Variants in FRRS1L observed in about 807,000 individuals in gnomAD.
FRRS1L encodes the protein DOMON domain-containing protein FRRS1L.
Under a neutral mutation model 28.6 loss-of-function variants are expected in FRRS1L, and 22 were observed. The observed-to-expected ratio is 0.77, with a 90% CI of 0.55 to 1.10. FRRS1L has a LOEUF of 1.10. Among genes scored for constraint, FRRS1L ranks in the 50% least tolerant of loss-of-function variants. FRRS1L has a pLI of 0.00. For missense variants in FRRS1L, 380 were observed against 386.9 expected (o/e 0.98, Z 0.15); for synonymous variants, 158 against 151.4 (o/e 1.04, Z -0.32).
At chr9:109,152,798 C>T (rs1388493786) in intron 1 of FRRS1L, among the ~76,000 whole-genome samples, 3 of 58,104 alleles carry the variant, frequency 5.2e-5, no homozygotes, top group African/African-American at 2.5e-4. Context: ...AGAGAGACTC[C>T]ATCTCAAAAA....
At chr9:109,154,043 G>C (rs1427657312) in intron 1 of FRRS1L, among the ~76,000 whole-genome samples, 2 of 152,056 alleles carry the variant, frequency 1.3e-5, no homozygotes, top group African/African-American at 2.4e-5. Context: ...CAATAAGCAA[G>C]TTCTCAGCAA....
chr9:109,162,432 A>G (rs558991956), intron 1 of FRRS1L, among the ~76,000 whole-genome samples: 2 of 152,340 alleles, frequency 1.3e-5, no homozygotes, highest in South Asian at 4.1e-4. Context: ...CATTAAGTCC[A>G]TCAACAAATC....
intron 1 of FRRS1L, among the ~76,000 whole-genome samples, chr9:109,163,132 G>T (rs984646967): frequency 3.9e-5 from 6 of 152,138 alleles, no homozygotes; most frequent in Non-Finnish European, 8.8e-5. Flanking sequence ...ATCCAACTCA[G>T]TTTTGTTTGT....
Position 109,143,831 on chromosome 9 carries a change from G to C in FRRS1L, c.463-2242C>G, listed in dbSNP as rs1337338910. ...GCTAATAATGTACCATTTTTAAAAA[G>C]TTAAACGCTTTTAAAAAGGGGTTCC... On this transcript the variant is annotated intron_variant, in intron 3 of 4. Transcript: ENST00000561981. 2.0e-5 allele frequency among the ~76,000 whole-genome samples: 3 copies of C among 152,048 alleles called. No individual in the cohort carries two copies. In the East Asian group the frequency reaches 5.8e-4, roughly 29 times the overall value.
intron 1 of FRRS1L, among the ~76,000 whole-genome samples, chr9:109,159,076 G>A (rs991341468): frequency 6.6e-6 from 1 of 152,154 alleles, no homozygotes. Flanking sequence ...ATGATGTTGG[G>A]CATCTTTTCA....
intron 3 of FRRS1L, among the ~76,000 whole-genome samples, chr9:109,143,291 G>C (rs12377111): frequency 0.067 from 10,138 of 151,936 alleles, 429 homozygotes; most frequent in African/African-American, 0.1. Context: ...CTCCAAGCCT[G>C]GGCAATACAG....
intron 1 of FRRS1L, chr9:109,151,311 G>A (rs964279047): frequency 6.5e-6 from 1 of 152,742 alleles, no homozygotes; most frequent in African/African-American, 2.4e-5. Flanking sequence ...GGCCTGTTAG[G>A]AACTAAGCCG....
Position 109,132,571 on chromosome 9 carries a change from T to C in FRRS1L, c.*4884A>G, listed in dbSNP as rs1831070024. Reference sequence around the variant, plus strand: ...CTTTGATATTCTTACAACTAACCAGTAATAATATGTTACTGGCAGTATCCT... The same window carrying C: ...CTTTGATATTCTTACAACTAACCAGCAATAATATGTTACTGGCAGTATCCT... On this transcript the variant is annotated 3_prime_UTR_variant, in exon 5 of 5. Coordinates refer to ENST00000561981, the MANE Select transcript of FRRS1L (RefSeq NM_014334.4). 6.6e-6 allele frequency: 1 copy of C among 152,204 alleles called. No homozygotes were observed. The highest frequency in any genetic ancestry group is 1.5e-5 in the Non-Finnish European group (1 of 68,034). The allele number at this position is 152,204 out of a possible 1,614,324, so 9.4% of individuals were successfully genotyped here.
At chr9:109,143,416 T>C (rs1263755007) in intron 3 of FRRS1L, among the ~76,000 whole-genome samples, 1 of 152,012 alleles carries the variant, frequency 6.6e-6, no homozygotes, top group Admixed American at 6.6e-5. Context: ...AGGGGGTATA[T>C]GGGAAATCTG....
At chr9:109,159,392 C>A (rs537805245) in intron 1 of FRRS1L, among the ~76,000 whole-genome samples, 4 of 152,022 alleles carry the variant, frequency 2.6e-5, no homozygotes, top group Non-Finnish European at 5.9e-5. Flanking sequence ...GTGGGTGGGC[C>A]GGGCGTGGTG....
At position 109,167,234 on chromosome 9, in the gene FRRS1L, G is replaced by A. The variant is rs542485399; in HGVS notation, c.-96C>T. ...GAGCCTCCGCCGAGGCCACCAGCAC[G>A]CGCCCGCGCAGCCGCGGAGCCTCCC... On this transcript the variant is annotated 5_prime_UTR_variant, in exon 1 of 5. Coordinates refer to ENST00000561981, the MANE Select transcript of FRRS1L (RefSeq NM_014334.4). The A allele has an allele frequency of 1.5e-5, 20 of 1,375,152 alleles. No homozygotes were observed. Among genetic ancestry groups the A allele is most frequent in the Non-Finnish European group, 1.9e-5 (20 of 1,059,974 alleles). The allele number at this position is 1,375,152 out of a possible 1,614,324, so 85.2% of individuals were successfully genotyped here.
intron 1 of FRRS1L, among the ~76,000 whole-genome samples, chr9:109,162,771 T>A (rs1468065668): frequency 6.6e-6 from 1 of 152,182 alleles, no homozygotes; most frequent in African/African-American, 2.4e-5. Context: ...CCAAGGTAGA[T>A]GGGGGAAGGA....
At position 109,147,169 on chromosome 9, in the gene FRRS1L, T is replaced by C. The variant is rs1001609848; in HGVS notation, c.344A>G (p.Asn115Ser). 1 of 1,613,564 alleles carries C rather than the reference T, an allele frequency of 6.2e-7. No individual in the cohort carries two copies. The highest frequency in any genetic ancestry group is 8.5e-7 in the Non-Finnish European group (1 of 1,179,584). Reference protein sequence around the residue: ...GCFRYGKPGCNAETCDYFLSY... With the variant: ...GCFRYGKPGCSAETCDYFLSY... ...GAGGAAATAGTCACAGGTCTCTGCA[T>C]TACAGCCTGGTTTGCCATATCTAGA... Residue 115 changes from asparagine (N) to serine (S), a missense_variant, in exon 3 of 5, where the codon AAT becomes AGT. Asn to Ser is a conservative substitution (Grantham distance 46, BLOSUM62 1). Transcript: ENST00000561981.
rs375184532 is a variant in FRRS1L at position 109,164,269 on chromosome 9, A to C, written c.238+2632T>G. On this transcript the variant is annotated intron_variant, in intron 1 of 4. Transcript: ENST00000561981. ...AGGAAATGAAACTGTCAGAGAGAAG[A>C]GGGTAGGAGAAGAATGGAGAGTAAA... 2.0e-5 allele frequency among the ~76,000 whole-genome samples: 3 copies of C among 152,124 alleles called. No homozygotes were observed. In the South Asian group the frequency reaches 6.2e-4, roughly 31 times the overall value.
At chr9:109,153,690 TTGTGAAC>T (rs1244885230) in intron 1 of FRRS1L, among the ~76,000 whole-genome samples, 6 of 152,202 alleles carry the variant, frequency 3.9e-5, no homozygotes, top group Middle Eastern at 3.2e-3. Flanking sequence ...GACAATCTTA[TTGTGAAC>T]TGTGCCCTTT....
chr9:109,149,015 A>C (rs10979710), intron 2 of FRRS1L, among the ~76,000 whole-genome samples: 3,633 of 152,208 alleles, frequency 0.024, 59 homozygotes, highest in East Asian at 0.093. Flanking sequence ...CTGACCATCA[A>C]ATTATTCAGG....
chr9:109,146,386 G>A (rs1182451713), intron 3 of FRRS1L, among the ~76,000 whole-genome samples: 1 of 152,088 alleles, frequency 6.6e-6, no homozygotes, highest in Non-Finnish European at 1.5e-5. Context: ...TCTGAAATGG[G>A]GGCAGTCTTG....
intron 2 of FRRS1L, among the ~76,000 whole-genome samples, chr9:109,148,987 A>G (rs1831296210): frequency 6.6e-6 from 1 of 152,184 alleles, no homozygotes; most frequent in Non-Finnish European, 1.5e-5. Flanking sequence ...CAGTACAGTG[A>G]CCATCAAAAC....
chr9:109,144,426 A>G (rs1014915831), intron 3 of FRRS1L, among the ~76,000 whole-genome samples: 1 of 152,034 alleles, frequency 6.6e-6, no homozygotes, highest in Non-Finnish European at 1.5e-5. Context: ...GGTGGAGTGC[A>G]ATGGCGCCAT....
Sources: gnomAD v4.1 joint callset for allele counts (sites outside exome capture counted in the v4.1 genomes callset) on GRCh38, gnomAD v4.1.1 for gene constraint, MANE v1.5 for transcripts, NCBI Gene and HGNC (gene_info 2026-07-23, HGNC 2026-07-21) for gene names.